Variants in ZMAT5 observed in about 807,000 individuals in gnomAD.
ZMAT5 encodes the protein zinc finger matrin-type protein 5.
Under a neutral mutation model 28.0 loss-of-function variants are expected in ZMAT5, and 23 were observed. That is an observed-to-expected ratio of 0.82 (90% confidence interval 0.59 to 1.16). ZMAT5 has a LOEUF of 1.16. ZMAT5 is among the 50% of genes most tolerant of loss of function. The pLI is 0.00. For synonymous variants in ZMAT5, 76 were observed against 84.1 expected, an observed-to-expected ratio of 0.90 and a Z score of 0.52; for missense variants, 173 against 212.7, an observed-to-expected ratio of 0.81 and a Z score of 1.16.
intron 1 of ZMAT5, among the ~76,000 whole-genome samples, chr22:29,755,024 G>A (rs150125379): frequency 2.0e-5 from 3 of 151,814 alleles, no homozygotes; most frequent in South Asian, 2.1e-4. Flanking sequence ...GGCCGGGCAC[G>A]GTGGCTCATG....
intron 1 of ZMAT5, among the ~76,000 whole-genome samples, chr22:29,766,565 T>C (rs2068214493): frequency 6.6e-6 from 1 of 152,206 alleles, no homozygotes; most frequent in Non-Finnish European, 1.5e-5. Context: ...TCCAAAGCCC[T>C]TGCTCTTTTC....
chr22:29,759,812 A>T (rs1293745356), intron 1 of ZMAT5, among the ~76,000 whole-genome samples: 1 of 151,884 alleles, frequency 6.6e-6, no homozygotes, highest in Non-Finnish European at 1.5e-5. Flanking sequence ...CATGTCTGTA[A>T]TCCTAGCACT....
Position 29,740,644 on chromosome 22 carries a change from A to G in ZMAT5, c.271+6T>C. 1 of 1,596,020 alleles carries G rather than the reference A, an allele frequency of 6.3e-7. No homozygotes were observed. The highest frequency in any genetic ancestry group is 8.5e-7 in the Non-Finnish European group (1 of 1,171,490). On this transcript the variant is annotated splice_donor_region_variant and intron_variant, in intron 4 of 5. Transcript: ENST00000344318. Reference sequence around the variant, plus strand: ...CCCGCTTAGCCCAGGGCATCCCGAGACGTACCCTCCACCTGGATGCTCAGC... The same window carrying G: ...CCCGCTTAGCCCAGGGCATCCCGAGGCGTACCCTCCACCTGGATGCTCAGC...
At chr22:29,759,083 G>A (rs1337549362) in intron 1 of ZMAT5, among the ~76,000 whole-genome samples, 2 of 152,210 alleles carry the variant, frequency 1.3e-5, no homozygotes, top group Admixed American at 1.3e-4. Flanking sequence ...CACACCCCAA[G>A]GCCTGGTGAA....
At chr22:29,744,160 T>C (rs1159321863) in intron 2 of ZMAT5, among the ~76,000 whole-genome samples, 1 of 152,144 alleles carries the variant, frequency 6.6e-6, no homozygotes, top group African/African-American at 2.4e-5. Context: ...ACTAGGAAAG[T>C]GACCAGGTTT....
At chr22:29,758,142 C>T (rs1452440653) in intron 1 of ZMAT5, among the ~76,000 whole-genome samples, 1 of 151,780 alleles carries the variant, frequency 6.6e-6, no homozygotes, top group Non-Finnish European at 1.5e-5. Flanking sequence ...GGAACTGAGA[C>T]CCCCTGCTAA....
intron 5 of ZMAT5, among the ~76,000 whole-genome samples, chr22:29,734,378 G>T (rs1231863298): frequency 6.6e-6 from 1 of 152,262 alleles, no homozygotes; most frequent in African/African-American, 2.4e-5. Context: ...GTTCCCCGAG[G>T]TGGGGTGGGC....
intron 1 of ZMAT5, among the ~76,000 whole-genome samples, chr22:29,750,563 A>T (rs1296193841): frequency 6.6e-6 from 1 of 152,164 alleles, no homozygotes; most frequent in Non-Finnish European, 1.5e-5. Flanking sequence ...TGGTGCTGCA[A>T]AACAGGAGGA....
chr22:29,741,302 G>C (rs906585468), intron 3 of ZMAT5, among the ~76,000 whole-genome samples: 10 of 152,204 alleles, frequency 6.6e-5, no homozygotes, highest in Non-Finnish European at 1.5e-5. Flanking sequence ...GGTGTCTCAA[G>C]CCAGGATAAC....
At chr22:29,765,455 T>A (rs977340192) in intron 1 of ZMAT5, among the ~76,000 whole-genome samples, 3 of 151,702 alleles carry the variant, frequency 2.0e-5, no homozygotes, top group African/African-American at 4.8e-5. Context: ...AACTTAGATA[T>A]CCTCCTCAAT....
intron 2 of ZMAT5, chr22:29,748,075 C>G: frequency 2.7e-6 from 1 of 369,484 alleles, no homozygotes; most frequent in Non-Finnish European, 5.2e-6. Context: ...CACCCTCTCC[C>G]TCCTGCTCCG....
intron 5 of ZMAT5, among the ~76,000 whole-genome samples, chr22:29,734,298 C>T (rs1296165438): frequency 1.3e-5 from 2 of 152,184 alleles, no homozygotes; most frequent in African/African-American, 4.8e-5. Flanking sequence ...CCCATGTTTA[C>T]AAGGAGGGCT....
At chr22:29,761,269 CAAAAAAAAA>C (rs131283) in intron 1 of ZMAT5, among the ~76,000 whole-genome samples, 5 of 59,528 alleles carry the variant, frequency 8.4e-5, no homozygotes, top group Non-Finnish European at 1.2e-4. Context: ...AACTCCGTCT[CAAAAAAAAA>C]AAAAAAAAAA....
chr22:29,765,290 C>T (rs1039703945), intron 1 of ZMAT5, among the ~76,000 whole-genome samples: 3 of 151,620 alleles, frequency 2.0e-5, no homozygotes, highest in African/African-American at 7.3e-5. Context: ...GTGTTGGCAT[C>T]CGCTTGTAAT....
At chr22:29,757,084 C>T (rs2068109161) in intron 1 of ZMAT5, among the ~76,000 whole-genome samples, 1 of 151,452 alleles carries the variant, frequency 6.6e-6, no homozygotes, top group African/African-American at 2.4e-5. Context: ...GGTATGATAA[C>T]ACACACCTGT....
Position 29,738,318 on chromosome 22 carries a change from G to A in ZMAT5, c.383+12C>T, listed in dbSNP as rs7289394. ...AGGGGGCACAGCGGGAGGGAACCCT[G>A]GGGACCTGTACCTGCTACTTGGGGC... On this transcript the variant is annotated intron_variant, in intron 5 of 5. Transcript: ENST00000344318. 1.4e-3 allele frequency: 2,285 copies of A among 1,606,738 alleles called. 6 individuals carry two copies. The highest frequency in any genetic ancestry group is 1.8e-3 in the Non-Finnish European group (2,131 of 1,178,834).
intron 5 of ZMAT5, among the ~76,000 whole-genome samples, chr22:29,733,809 G>A (rs576090702): frequency 6.6e-6 from 1 of 152,314 alleles, no homozygotes; most frequent in African/African-American, 2.4e-5. Flanking sequence ...TCTCAGCCCC[G>A]TGCCCCTGCC....
At chr22:29,759,101 TGAGCCTG>T (rs570711751) in intron 1 of ZMAT5, among the ~76,000 whole-genome samples, 44 of 152,342 alleles carry the variant, frequency 2.9e-4, no homozygotes, top group African/African-American at 1.1e-3. Flanking sequence ...GAAGGTCGGC[TGAGCCTG>T]AATCTGGGCT....
chr22:29,737,347 G>GA (rs1321394759), intron 5 of ZMAT5, among the ~76,000 whole-genome samples: 7 of 151,770 alleles, frequency 4.6e-5, no homozygotes, highest in African/African-American at 9.7e-5. Context: ...AAGAAAGAAA[G>GA]AAAAAAAACA....
Sources: gnomAD v4.1 joint callset for allele counts (sites outside exome capture counted in the v4.1 genomes callset) on GRCh38, gnomAD v4.1.1 for gene constraint, MANE v1.5 for transcripts, NCBI Gene and HGNC (gene_info 2026-07-23, HGNC 2026-07-21) for gene names.